NRG3: variants seen among roughly 807,000 people sequenced by gnomAD.
NRG3 encodes the protein neuregulin 3.
A neutral mutation model predicts 66.9 loss-of-function variants in NRG3; 31 were observed. That is an observed-to-expected ratio of 0.46 (90% CI 0.35 to 0.63). The LOEUF (loss-of-function observed/expected upper bound fraction) is 0.63, where lower values mean the gene tolerates loss of function less well. NRG3 is among the 20% of genes least tolerant of loss of function. The pLI is 0.00. For missense variants in NRG3, 910 were observed against 878.9 expected (o/e 1.04, Z -0.45); for synonymous variants, 393 against 359.4 (o/e 1.09, Z -1.06).
chr10:82,408,905 G>A (rs1278632840), intron 2 of NRG3, among the ~76,000 whole-genome samples: 2 of 151,952 alleles, frequency 1.3e-5, no homozygotes, highest in Non-Finnish European at 2.9e-5. Flanking sequence ...TAAACATGAT[G>A]AGGAAACTTT....
At chr10:82,690,111 A>G (rs2054808715) in intron 2 of NRG3, among the ~76,000 whole-genome samples, 1 of 152,180 alleles carries the variant, frequency 6.6e-6, no homozygotes, top group Non-Finnish European at 1.5e-5. Flanking sequence ...CTTCATTTTC[A>G]TAATTTATTT....
chr10:81,899,256 A>G (rs947337406), intron 1 of NRG3, among the ~76,000 whole-genome samples: 1 of 152,168 alleles, frequency 6.6e-6, no homozygotes, highest in Non-Finnish European at 1.5e-5. Context: ...CCATGTTACA[A>G]TTTCTTTAGT....
At chr10:82,855,297 G>C (rs1334446670) in intron 3 of NRG3, among the ~76,000 whole-genome samples, 1 of 152,116 alleles carries the variant, frequency 6.6e-6, no homozygotes, top group Non-Finnish European at 1.5e-5. Flanking sequence ...ACACATGGCT[G>C]TTTGCCATGT....
At chr10:81,952,585 C>A (rs1352897928) in intron 1 of NRG3, among the ~76,000 whole-genome samples, 2 of 151,872 alleles carry the variant, frequency 1.3e-5, no homozygotes, top group Non-Finnish European at 2.9e-5. Context: ...GAAGTTGGCA[C>A]CCCAGTTAGT....
At chr10:82,535,897 G>C (rs1258484064) in intron 2 of NRG3, among the ~76,000 whole-genome samples, 1 of 135,110 alleles carries the variant, frequency 7.4e-6, no homozygotes, top group Admixed American at 8.3e-5. Flanking sequence ...ATTTTTTAAA[G>C]TAGTCTTTTT....
chr10:81,962,472 A>C (rs1850455610), intron 1 of NRG3, among the ~76,000 whole-genome samples: 1 of 152,248 alleles, frequency 6.6e-6, no homozygotes, highest in East Asian at 1.9e-4. Flanking sequence ...CTTTTCTGAC[A>C]AAAGAATGTG....
intron 2 of NRG3, among the ~76,000 whole-genome samples, chr10:82,425,172 G>T (rs78922628): frequency 3.0e-4 from 45 of 152,062 alleles, no homozygotes; most frequent in African/African-American, 1.1e-3. Context: ...TTCAATTTTG[G>T]CAAAAAGGCC....
rs146605197 is a variant in NRG3 at position 82,798,734 on chromosome 10, G to T, written c.1027+60084G>T. Among the ~76,000 whole-genome samples the T allele has an allele frequency of 4.0e-3, 614 of 152,318 alleles. 4 individuals are homozygous for T. The highest frequency in any genetic ancestry group is 0.014 in the African/African-American group (583 of 41,566). ...GTAATGAAGAGTTCTCGAAACATCTGCAAGCTACTGTGTATAAATGGAAAA... is the reference window on the plus strand; with the variant it reads ...GTAATGAAGAGTTCTCGAAACATCTTCAAGCTACTGTGTATAAATGGAAAA... On this transcript the variant is annotated intron_variant, in intron 3 of 8. Transcript: ENST00000372141.
intron 1 of NRG3, among the ~76,000 whole-genome samples, chr10:82,328,228 G>A (rs1314011187): frequency 6.6e-6 from 1 of 152,172 alleles, no homozygotes; most frequent in South Asian, 2.1e-4. Context: ...AGAAGGAGAA[G>A]GGCCAGTATC....
chr10:82,917,986 ATATATATG>A (rs1372969583), intron 4 of NRG3, among the ~76,000 whole-genome samples: 7 of 121,506 alleles, frequency 5.8e-5, no homozygotes, highest in East Asian at 6.2e-4. Context: ...ATATATATAT[ATATATATG>A]TATGTATGTA....
chr10:82,660,994 G>A (rs151129628), intron 2 of NRG3, among the ~76,000 whole-genome samples: 47 of 152,094 alleles, frequency 3.1e-4, no homozygotes, highest in African/African-American at 1.1e-3. Flanking sequence ...CTGTTAATAT[G>A]TTAATCTGTA....
intron 1 of NRG3, among the ~76,000 whole-genome samples, chr10:81,894,183 A>G (rs1466830758): frequency 6.6e-6 from 1 of 152,106 alleles, no homozygotes; most frequent in East Asian, 1.9e-4. Context: ...TCCACTAAAA[A>G]TACAAAAATT....
intron 2 of NRG3, among the ~76,000 whole-genome samples, chr10:82,601,211 T>A (rs1005732928): frequency 2.0e-5 from 3 of 152,186 alleles, no homozygotes; most frequent in African/African-American, 4.8e-5. Context: ...GCACCTAGGT[T>A]GATTGTATGA....
intron 2 of NRG3, among the ~76,000 whole-genome samples, chr10:82,634,606 A>T (rs543778578): frequency 6.6e-6 from 1 of 152,364 alleles, no homozygotes; most frequent in East Asian, 1.9e-4. Context: ...ATGTAAACAT[A>T]TCTTATTTAG....
rs201667639 is a variant in NRG3 at position 82,746,917 on chromosome 10, C to CA, written c.1027+8274dup. Among the ~76,000 whole-genome samples, 638 of 151,894 alleles carry CA rather than the reference C, an allele frequency of 4.2e-3. 8 individuals carry two copies. Among genetic ancestry groups the CA allele is most frequent in the African/African-American group, 0.015 (613 of 41,434 alleles). ...AGCATAGGAAGACCTTGTTTCTAGA[C>CA]AAAAAAATAAAATAAAATAGCCAGG... On this transcript the variant is annotated intron_variant, in intron 3 of 8. Transcript: ENST00000372141.
chr10:82,767,999 A>C (rs1030379542), intron 3 of NRG3, among the ~76,000 whole-genome samples: 1 of 151,962 alleles, frequency 6.6e-6, no homozygotes, highest in Admixed American at 6.6e-5. Flanking sequence ...TCATTTTAAG[A>C]TGCTTGACTT....
chr10:82,662,425 G>T (rs950745184), intron 2 of NRG3, among the ~76,000 whole-genome samples: 5 of 151,870 alleles, frequency 3.3e-5, no homozygotes, highest in Admixed American at 2.0e-4. Context: ...TTAATAGAAG[G>T]TCTGGGGTAT....
intron 3 of NRG3, among the ~76,000 whole-genome samples, chr10:82,839,336 A>C (rs998890875): frequency 5.9e-5 from 9 of 152,288 alleles, no homozygotes; most frequent in African/African-American, 2.2e-4. Flanking sequence ...ATACTTATCA[A>C]ATCTTAGAAG....
At chr10:82,721,742 G>T (rs1314187058) in intron 2 of NRG3, among the ~76,000 whole-genome samples, 1 of 152,056 alleles carries the variant, frequency 6.6e-6, no homozygotes, top group Non-Finnish European at 1.5e-5. Context: ...TTTAATAAAA[G>T]GTCAACAATT....
Sources: allele counts gnomAD v4.1 joint callset (sites outside exome capture counted in the v4.1 genomes callset), GRCh38; gene constraint gnomAD v4.1.1; transcripts MANE v1.5; gene names NCBI Gene and HGNC (gene_info 2026-07-23, HGNC 2026-07-21).